The following IBTK variants were observed in gnomAD, a reference collection of about 807,000 sequenced individuals.
The protein encoded by IBTK is BTK-binding protein.
In IBTK, 83 loss-of-function variants were observed where a neutral mutation model predicts 154.9. The observed-to-expected ratio is 0.54, with a 90% CI of 0.45 to 0.64. IBTK has a LOEUF of 0.64. Among genes scored for constraint, IBTK ranks in the 30% least tolerant of loss-of-function variants. The pLI is 0.00. For synonymous variants in IBTK, 515 were observed against 536.1 expected, an observed-to-expected ratio of 0.96 and a Z score of 0.54; for missense variants, 1,332 against 1,584.6, an observed-to-expected ratio of 0.84 and a Z score of 2.71.
In IBTK at chr6:82,208,216, TTATACA is replaced by T. The variant is rs547971541; in HGVS notation, c.2509+2592_2509+2597del. On this transcript the variant is annotated intron_variant, in intron 16 of 28. Coordinates refer to ENST00000306270, the MANE Select transcript of IBTK (RefSeq NM_015525.4). ...CTCTCTATATATATAAATATAGATA[TTATACA>T]TATATATATCTCAAAGCATCATGTT... is the stretch of plus-strand genomic sequence containing the variant. 1.7e-3 allele frequency among the ~76,000 whole-genome samples: 265 copies of T among 151,460 alleles called. 1 individual carries two copies. The highest frequency in any genetic ancestry group is 5.8e-3 in the African/African-American group (238 of 41,104).
chr6:82,240,329 C>T lies in IBTK; in HGVS notation c.158G>A (p.Arg53Lys), dbSNP rs1206546302. ...GGAGGAAACAAGGTGGAGGGCATTC[C>T]TGCCAAAAACATCCTTGATAGTTGC... ...NAATIKDVFGRNALHLVSSCG... is the reference protein window; with the variant it reads ...NAATIKDVFGKNALHLVSSCG... The change falls in exon 2 of 29, where the codon AGG (arginine) becomes AAG (lysine). Residue 53 changes from arginine to lysine, a missense_variant. Arg to Lys is a conservative substitution (Grantham distance 26). Around this residue, in one of 3 missense-constraint regions of IBTK, gnomAD observed 84 missense variants for 96.2 expected, o/e 0.87. Coordinates refer to ENST00000306270, the MANE Select transcript of IBTK (RefSeq NM_015525.4). The T allele has an allele frequency of 6.2e-7, 1 of 1,614,188 alleles. No homozygotes were observed. Among genetic ancestry groups the T allele is most frequent in the South Asian group, 1.1e-5 (1 of 91,086 alleles).
rs1198696024 is a variant in IBTK at position 82,214,826 on chromosome 6, A to G, written c.1605T>C (p.Leu535=). The G allele has an allele frequency of 1.3e-6, 2 of 1,548,412 alleles. No individual in the cohort carries two copies. The highest frequency in any genetic ancestry group is 1.7e-6 in the Non-Finnish European group (2 of 1,148,324). ...AILQSDPKTS[L]YEIPAVSSSS... ...ATGAGGACACAGCTGGAATTTCATA[A>G]AGGCTAGAAAGAAGACAAAAACAAA... is the stretch of plus-strand genomic sequence containing the variant. Residue 535 remains leucine, a synonymous_variant, in exon 12 of 29, where the codon CTT becomes CTC. Coordinates refer to ENST00000306270, the MANE Select transcript of IBTK (RefSeq NM_015525.4).
intron 21 of IBTK, among the ~76,000 whole-genome samples, chr6:82,199,686 T>C (rs1289589482): frequency 6.6e-6 from 1 of 152,152 alleles, no homozygotes; most frequent in Non-Finnish European, 1.5e-5. Context: ...AGTCACATCC[T>C]GTTTTAAATC....
intron 4 of IBTK, 119 bp from the exon 5 acceptor site, chr6:82,227,421 A>C (rs574196550): frequency 6.1e-6 from 3 of 488,754 alleles, no homozygotes; most frequent in Non-Finnish European, 1.0e-5. Flanking sequence ...AGGGGAATTT[A>C]TAAGACTTTA....
chr6:82,217,974 C>T lies in IBTK; in HGVS notation c.1412G>A (p.Ser471Asn), dbSNP rs147304035. The change falls in exon 10 of 29, where the codon AGT becomes AAT. Residue 471 changes from serine (S) to asparagine (N), a missense_variant. By Grantham distance (46) the Ser-to-Asn change is conservative. Around this residue, in one of 3 missense-constraint regions of IBTK, gnomAD observed 1,134 missense variants for 1,274.7 expected, o/e 0.89. Coordinates refer to ENST00000306270, the MANE Select transcript of IBTK (RefSeq NM_015525.4). ...RGRWFEEKRK[S>N]SEKKEILSNL... Reference sequence around the variant, plus strand: ...TATGAACTGACCTTTCTTTTCAGAACTCTTTCTTTTCTCTTCAAACCATCT... The same window carrying T: ...TATGAACTGACCTTTCTTTTCAGAATTCTTTCTTTTCTCTTCAAACCATCT... 5.7e-4 allele frequency: 904 copies of T among 1,594,718 alleles called. No individual in the cohort carries two copies. Among genetic ancestry groups the T allele is most frequent in the Middle Eastern group, 4.9e-3 (29 of 5,936 alleles).
chr6:82,201,889 C>T (rs1314654507), intron 18 of IBTK, among the ~76,000 whole-genome samples: 1 of 152,022 alleles, frequency 6.6e-6, no homozygotes, highest in East Asian at 1.9e-4. Flanking sequence ...TCACGCTCGG[C>T]TAATTTTTGT....
chr6:82,189,484 T>A (rs907359834), intron 25 of IBTK, among the ~76,000 whole-genome samples: 10 of 152,234 alleles, frequency 6.6e-5, no homozygotes, highest in South Asian at 6.2e-4. Flanking sequence ...GTCTTATACA[T>A]CCTTTATCAG....
At chr6:82,196,216 G>T in intron 22 of IBTK, 82 bp downstream of exon 22, 3 of 1,157,446 alleles carry the variant, frequency 2.6e-6, no homozygotes, top group South Asian at 2.2e-5. Flanking sequence ...TAAAATTAGG[G>T]CAAAAATAAG....
At chr6:82,233,837 T>C (rs1770614373) in intron 3 of IBTK, among the ~76,000 whole-genome samples, 1 of 149,850 alleles carries the variant, frequency 6.7e-6, no homozygotes, top group Admixed American at 6.7e-5. Context: ...CCTCAGCCTC[T>C]AAGATTGCCT....
chr6:82,173,674 A>AATATATATATATATATAT lies in IBTK; in HGVS notation c.3726-237_3726-236insATATATATATATATATAT, dbSNP rs35757334. The stretch of plus-strand genomic sequence containing the variant: ...AAGAAATAGCCTATTTCTAATAATA[A>AATATATATATATATATAT]ATATATATATACACACACCAGATAA... On this transcript the variant is annotated intron_variant, in intron 26 of 28. Transcript: ENST00000306270. The AATATATATATATATATAT allele has an allele frequency of 2.3e-4, 46 of 197,300 alleles. 3 individuals are homozygous for AATATATATATATATATAT. Among genetic ancestry groups the AATATATATATATATATAT allele is most frequent in the African/African-American group, 8.4e-4 (32 of 38,264 alleles). 12.2% of individuals were successfully genotyped at this position (197,300 alleles called of 1,614,324 possible).
chr6:82,200,753 GTTTTTTTTTTTTTT>G (rs138809525), intron 19 of IBTK, 45 bp from the exon 20 acceptor site: 87 of 393,364 alleles, frequency 2.2e-4, no homozygotes, highest in Middle Eastern at 1.1e-3. Flanking sequence ...AATCTGTGAA[GTTTTTTTTTTTTTT>G]TTTTTTTTTT....
Position 82,171,415 on chromosome 6 carries a change from C to G in IBTK, c.*10G>C, listed in dbSNP as rs747156865. 1.0e-5 allele frequency: 16 copies of G among 1,607,446 alleles called. No homozygotes were observed. Among genetic ancestry groups the G allele is most frequent in the Non-Finnish European group, 1.3e-5 (15 of 1,177,652 alleles). ...TAATTATGTAAAATGCATCTCAACT[C>G]CACAGTGAACTAGCATCCATGCTTA... On this transcript the variant is annotated 3_prime_UTR_variant, in exon 29 of 29. Coordinates refer to ENST00000306270, the MANE Select transcript of IBTK (RefSeq NM_015525.4).
intron 4 of IBTK, among the ~76,000 whole-genome samples, chr6:82,229,115 C>T (rs1770407448): frequency 6.6e-6 from 1 of 152,112 alleles, no homozygotes; most frequent in Admixed American, 6.6e-5. Flanking sequence ...TATTCCCATA[C>T]TTGCTTTCTC....
At chr6:82,221,400 G>T (rs1770097525) in intron 8 of IBTK, among the ~76,000 whole-genome samples, 1 of 152,082 alleles carries the variant, frequency 6.6e-6, no homozygotes, top group South Asian at 2.1e-4. Context: ...TAACAGAAAA[G>T]ACAAATTTTA....
Position 82,191,847 on chromosome 6 carries a change from G to C in IBTK, c.3371C>G (p.Thr1124Ser). Residue 1124 changes from threonine to serine, a missense_variant, in exon 24 of 29, where the codon ACT becomes AGT. Physicochemically the swap from Thr to Ser is moderately conservative, Grantham distance 58. Transcript: ENST00000306270. Reference protein sequence around the residue: ...PVSPPVVDLRTIMEIEESRQK... With the variant: ...PVSPPVVDLRSIMEIEESRQK... ...TCTACTTTCTTCTATTTCCATGATA[G>C]TTCTGAGATCCACAACAGGAGGGCT... The C allele has an allele frequency of 6.2e-7, 1 of 1,611,678 alleles. No individual in the cohort carries two copies. Among genetic ancestry groups the C allele is most frequent in the Non-Finnish European group, 8.5e-7 (1 of 1,178,160 alleles).
At chr6:82,216,327 G>T in intron 10 of IBTK, 77 bp from the exon 11 acceptor site, 1 of 925,648 alleles carries the variant, frequency 1.1e-6, no homozygotes. Context: ...AAATGGAATA[G>T]AAAAGGAGTT....
chr6:82,200,907 T>C (rs547140151), intron 19 of IBTK, among the ~76,000 whole-genome samples, 199 bp from the exon 20 acceptor site: 84 of 152,152 alleles, frequency 5.5e-4, no homozygotes, highest in African/African-American at 1.9e-3. Context: ...AGCCTAAAGA[T>C]GTTTTTTAAA....
intron 21 of IBTK, among the ~76,000 whole-genome samples, chr6:82,197,086 A>C (rs1490001134): frequency 5.9e-5 from 9 of 152,336 alleles, no homozygotes; most frequent in Admixed American, 3.9e-4. Context: ...GCCTCATGCC[A>C]CACCTGGTAT....
chr6:82,211,017 T>C (rs1191369214), intron 15 of IBTK, 107 bp from the exon 16 acceptor site: 1 of 513,920 alleles, frequency 1.9e-6, no homozygotes, highest in African/African-American at 2.0e-5. Flanking sequence ...GGAAATCACA[T>C]CAAATGCAAA....
Sources: allele counts gnomAD v4.1 joint callset (sites outside exome capture counted in the v4.1 genomes callset), GRCh38; gene constraint gnomAD v4.1.1; regional missense constraint gnomAD v4.1.1; transcripts MANE v1.5; gene names NCBI Gene and HGNC (gene_info 2026-07-23, HGNC 2026-07-21).